The following RET variants were observed in gnomAD, a reference collection of about 807,000 sequenced individuals.
The protein encoded by RET is proto-oncogene tyrosine-protein kinase receptor Ret.
A neutral mutation model predicts 118.3 loss-of-function variants in RET; 19 were observed. That is an observed-to-expected ratio of 0.16 (90% CI 0.11 to 0.24). RET has a LOEUF of 0.24. Among genes scored for constraint, RET ranks in the 10% least tolerant of loss-of-function variants. The pLI, the probability that RET is intolerant of heterozygous loss-of-function variation, is 1.00. For missense variants in RET, 1,219 were observed against 1,502.1 expected, an observed-to-expected ratio of 0.81 and a Z score of 3.12; for synonymous variants, 597 against 644.1, an observed-to-expected ratio of 0.93 and a Z score of 1.11.
chr10:43,104,814 C>G, intron 3 of RET, 138 bp from the exon 4 acceptor site: 6 of 1,330,828 alleles, frequency 4.5e-6, no homozygotes, highest in Non-Finnish European at 6.1e-6. Flanking sequence ...CTGCCCTCCC[C>G]TGTGGAGCGG....
chr10:43,128,956 G>A lies in RET; in HGVS notation c.*687G>A, dbSNP rs541713530. 13 of 238,294 alleles carry A rather than the reference G, an allele frequency of 5.5e-5. No homozygotes were observed. The South Asian group carries it at 2.2e-3, about 40-fold the overall frequency. The allele number at this position is 238,294 out of a possible 1,614,324, so 14.8% of individuals were successfully genotyped here. A position where few individuals can be genotyped will look rare whatever the true frequency, so the allele number is the denominator to read the frequency against. On this transcript the variant is annotated 3_prime_UTR_variant, in exon 20 of 20. Transcript: ENST00000355710. ...ATTTAGCACAATGGAGAGATTCCAT[G>A]CCATCTTTACTATGTGGATGGTGGT... is the stretch of plus-strand genomic sequence containing the variant.
rs377193354 is a variant in RET, at chr10:43,105,052, G to A, written c.726G>A (p.Val242=). The change falls in exon 4 of 20, where the codon GTG becomes GTA. Residue 242 remains valine (V), a synonymous_variant. Transcript: ENST00000355710. The part of the protein sequence containing the change: ...EQREKYELVA[V]CTVHAGAREE... ...GGGAGAAGTACGAGCTGGTGGCCGT[G>A]TGCACCGTGCACGCCGGCGCGCGCG... 1 of 1,608,702 alleles carries A rather than the reference G, an allele frequency of 6.2e-7. No individual in the cohort carries two copies. The highest frequency in any genetic ancestry group is 8.5e-7 in the Non-Finnish European group (1 of 1,179,504).
chr10:43,113,925 C>A (rs969755820), intron 10 of RET, among the ~76,000 whole-genome samples: 1 of 152,202 alleles, frequency 6.6e-6, no homozygotes, highest in Non-Finnish European at 1.5e-5. Context: ...AACTTGTCAG[C>A]CTGACAAGTC....
intron 17 of RET, 24 bp from the exon 18 acceptor site, chr10:43,124,859 T>C: frequency 6.2e-7 from 1 of 1,611,832 alleles, no homozygotes; most frequent in African/African-American, 1.3e-5. Context: ...TGGATCATAT[T>C]GGCCTGTCTG....
chr10:43,090,055 G>A, intron 1 of RET, among the ~76,000 whole-genome samples: 1 of 152,328 alleles, frequency 6.6e-6, no homozygotes, highest in Middle Eastern at 3.4e-3. Flanking sequence ...GGGGCTGATG[G>A]CAGGGGCATG....
At chr10:43,123,087 T>C (rs1384150758) in intron 16 of RET, among the ~76,000 whole-genome samples, 1 of 152,238 alleles carries the variant, frequency 6.6e-6, no homozygotes, top group Non-Finnish European at 1.5e-5. Context: ...TGCTCCGTGG[T>C]GTGCACATGT....
At chr10:43,093,316 G>A (rs1006831329) in intron 1 of RET, among the ~76,000 whole-genome samples, 10 of 152,178 alleles carry the variant, frequency 6.6e-5, no homozygotes, top group Admixed American at 5.9e-4. Context: ...GGGTGGCAGA[G>A]GGGACTTGGG....
At chr10:43,083,316 C>T (rs1017149437) in intron 1 of RET, among the ~76,000 whole-genome samples, 4 of 152,212 alleles carry the variant, frequency 2.6e-5, no homozygotes, top group African/African-American at 9.6e-5. Context: ...CCCCTAGCCT[C>T]CCCACCACCT....
At chr10:43,119,978 C>A (rs1300591715) in intron 14 of RET, 103 bp from the exon 15 acceptor site, 1 of 1,543,646 alleles carries the variant, frequency 6.5e-7, no homozygotes, top group South Asian at 1.2e-5. Flanking sequence ...CACCAGGCCG[C>A]TACCCGGGCC....
Position 43,126,604 on chromosome 10 carries a change from A to AT in RET, c.3070dup (p.Ser1024PhefsTer2). On this transcript the variant is annotated frameshift_variant, in exon 19 of 20. Transcript: ENST00000355710. LOFTEE classifies it high-confidence loss of function. Reference sequence around the variant, plus strand: ...ACTTGGACCTTGCGGCGTCCACTCCATCTGACTCCCTGATTTATGACGACG... The same window carrying AT: ...ACTTGGACCTTGCGGCGTCCACTCCATTCTGACTCCCTGATTTATGACGACG... 6.2e-7 allele frequency: 1 copy of AT among 1,614,164 alleles called. No individual in the cohort carries two copies. Among genetic ancestry groups the AT allele is most frequent in the Non-Finnish European group, 8.5e-7 (1 of 1,180,026 alleles).
At position 43,127,310 on chromosome 10, in the gene RET, G is replaced by A. The variant is rs541156392; in HGVS notation, c.3187+588G>A. 6.1e-5 allele frequency: 65 copies of A among 1,069,882 alleles called. No homozygotes were observed. The Admixed American group carries it at 8.0e-4, about 13-fold the overall frequency. 66.3% of individuals were successfully genotyped at this position (1,069,882 alleles called of 1,614,324 possible). A position where few individuals can be genotyped will look rare whatever the true frequency, so the allele number is the denominator to read the frequency against. On this transcript the variant is annotated intron_variant, in intron 19 of 19. Transcript: ENST00000355710. ...AGGAGCTGGCTGGCCCTGGGAGGACGCACCCCCACTGCTGTTTTCACATCC... is the reference window on the plus strand; with the variant it reads ...AGGAGCTGGCTGGCCCTGGGAGGACACACCCCCACTGCTGTTTTCACATCC...
At position 43,106,278 on chromosome 10, in the gene RET, G is replaced by T; in HGVS notation, c.868-98G>T. 1 of 1,176,324 alleles carries T rather than the reference G, an allele frequency of 8.5e-7. No individual in the cohort carries two copies. Among genetic ancestry groups the T allele is most frequent in the Non-Finnish European group, 1.2e-6 (1 of 811,536 alleles). The allele number at this position is 1,176,324 out of a possible 1,614,324, so 72.9% of individuals were successfully genotyped here. A position where few individuals can be genotyped will look rare whatever the true frequency, so the allele number is the denominator to read the frequency against. On this transcript the variant is annotated intron_variant, in intron 4 of 19. Transcript: ENST00000355710. This position sits in a 1 kb window ranked among gnomAD's most constrained non-coding sequence, Gnocchi z 5.1. ...GACAACACACATCTGGTCCACCTAT[G>T]GGCTGTGTGGGACGTGCAGCATTCT... is the stretch of plus-strand genomic sequence containing the variant.
At chr10:43,077,468 C>A in intron 1 of RET, 137 bp downstream of exon 1, 1 of 1,189,066 alleles carries the variant, frequency 8.4e-7, no homozygotes, top group Non-Finnish European at 1.1e-6. Context: ...CCGGCCTCGG[C>A]TGGGAGCGCA....
intron 3 of RET, 130 bp from the exon 4 acceptor site, chr10:43,104,822 C>G (rs1221479955): frequency 8.8e-6 from 12 of 1,368,312 alleles, no homozygotes; most frequent in Non-Finnish European, 1.1e-5. Flanking sequence ...CCCTGTGGAG[C>G]GGAGGAGGGG....
chr10:43,112,808 G>A (rs1428265290), intron 8 of RET, 45 bp from the exon 9 acceptor site: 2 of 1,512,490 alleles, frequency 1.3e-6, no homozygotes, highest in South Asian at 1.1e-5. Context: ...GGGGCGTGTG[G>A]CGGGGCTCCC....
chr10:43,118,049 G>A (rs376959468), intron 12 of RET, among the ~76,000 whole-genome samples: 11 of 152,306 alleles, frequency 7.2e-5, no homozygotes, highest in African/African-American at 1.7e-4. Context: ...TGATTAATGC[G>A]GGGAATTTCT....
chr10:43,105,721 G>C lies in RET; in HGVS notation c.867+528G>C, dbSNP rs966936545. 5.1e-4 allele frequency among the ~76,000 whole-genome samples: 77 copies of C among 152,086 alleles called. 1 individual carries two copies. The highest frequency in any genetic ancestry group is 1.8e-3 in the African/African-American group (75 of 41,414). ...AGGGGCCGTGGGAGAGTGGGCGTGG[G>C]GACTGAGGTAGGTAGTACGTTGCCT... On this transcript the variant is annotated intron_variant, in intron 4 of 19. Transcript: ENST00000355710.
At position 43,114,678 on chromosome 10, in the gene RET, G is replaced by A. The variant is rs1332256523; in HGVS notation, c.2078G>A (p.Arg693His). The part of the protein sequence containing the change: ...FPVSYSSSGA[R>H]RPSLDSMENQ... ...GTCAGCTACTCCTCTTCCGGTGCCCGCCGGCCCTCGCTGGACTCCATGGAG... is the reference window on the plus strand; with the variant it reads ...GTCAGCTACTCCTCTTCCGGTGCCCACCGGCCCTCGCTGGACTCCATGGAG... The change falls in exon 11 of 20, where the codon CGC (arginine) becomes CAC (histidine). Residue 693 changes from arginine to histidine, a missense_variant. Physicochemically the swap from Arg to His is conservative, Grantham distance 29. Around this residue, in one of 5 missense-constraint regions of RET, gnomAD observed 850 missense variants for 969.6 expected, o/e 0.88. Coordinates refer to ENST00000355710, the MANE Select transcript of RET (RefSeq NM_020975.6). The surrounding 1 kb of genome is among the most constrained non-coding windows in gnomAD (Gnocchi z 4.6). The A allele has an allele frequency of 5.0e-6, 8 of 1,612,130 alleles. No homozygotes were observed. The highest frequency in any genetic ancestry group is 1.3e-5 in the African/African-American group (1 of 74,852).
Position 43,111,225 on chromosome 10 carries a change from G to A in RET, c.1282G>A (p.Glu428Lys), listed in dbSNP as rs1327111345. Reference protein sequence around the residue: ...RFAQIGKVCVENCQAFSGINV... With the variant: ...RFAQIGKVCVKNCQAFSGINV... Reference sequence around the variant, plus strand: ...CCCCTAGATCGGGAAAGTCTGTGTGGAAAACTGCCAGGCATTCAGTGGCAT... The same window carrying A: ...CCCCTAGATCGGGAAAGTCTGTGTGAAAAACTGCCAGGCATTCAGTGGCAT... The change falls in exon 7 of 20, where the codon GAA becomes AAA. Residue 428 changes from glutamate to lysine, a missense_variant. This residue lies in a region of RET where 850 missense variants were observed against 969.6 expected (regional missense o/e 0.88). Transcript: ENST00000355710. 1.2e-6 allele frequency: 2 copies of A among 1,613,952 alleles called. No homozygotes were observed. The highest frequency in any genetic ancestry group is 1.7e-6 in the Non-Finnish European group (2 of 1,180,042).
Sources: allele counts gnomAD v4.1 joint callset (sites outside exome capture counted in the v4.1 genomes callset), GRCh38; gene constraint gnomAD v4.1.1; regional missense constraint gnomAD v4.1.1; non-coding constraint Gnocchi (gnomAD v3.1); transcripts MANE v1.5; gene names NCBI Gene and HGNC (gene_info 2026-07-23, HGNC 2026-07-21).